The following PID1 variants were observed in gnomAD, a reference collection of about 807,000 sequenced individuals.
PID1 encodes the protein PTB-containing, cubilin and LRP1-interacting protein.
PID1 carries 10 observed loss-of-function variants against 19.1 expected under a neutral mutation model. The observed-to-expected ratio is 0.52, with a 90% CI of 0.32 to 0.89. PID1 has a LOEUF of 0.89. PID1 is among the 40% of genes least tolerant of loss of function. The pLI is 0.03. For missense variants in PID1, 248 were observed against 285.3 expected (o/e 0.87, Z 0.94); for synonymous variants, 130 against 116.0 (o/e 1.12, Z -0.78).
intron 2 of PID1, among the ~76,000 whole-genome samples, chr2:229,096,449 G>C (rs564155530): frequency 5.1e-4 from 77 of 152,200 alleles, no homozygotes; most frequent in African/African-American, 1.8e-3. Flanking sequence ...CAATTTTCTT[G>C]TAACATATTA....
intron 2 of PID1, among the ~76,000 whole-genome samples, chr2:229,122,473 G>A (rs1378969313): frequency 6.6e-6 from 1 of 152,006 alleles, no homozygotes. Context: ...AAACCCTGGG[G>A]TTTTACAGCT....
chr2:229,092,275 C>T (rs188645766), intron 2 of PID1, among the ~76,000 whole-genome samples: 5 of 152,224 alleles, frequency 3.3e-5, no homozygotes, highest in Non-Finnish European at 5.9e-5. Flanking sequence ...GGAAAGACAT[C>T]GCAGCATGAC....
intron 2 of PID1, among the ~76,000 whole-genome samples, chr2:229,151,947 A>G (rs945903272): frequency 6.6e-6 from 1 of 152,154 alleles, no homozygotes; most frequent in Non-Finnish European, 1.5e-5. Context: ...ATGGCCCTGC[A>G]AGTCTCAATG....
chr2:229,142,752 T>C (rs1690041963), intron 2 of PID1, among the ~76,000 whole-genome samples: 1 of 152,216 alleles, frequency 6.6e-6, no homozygotes, highest in African/African-American at 2.4e-5. Flanking sequence ...TTGGTGGGAC[T>C]GTAAACTAGT....
intron 2 of PID1, among the ~76,000 whole-genome samples, chr2:229,111,062 C>T (rs542220261): frequency 3.9e-4 from 59 of 152,296 alleles, no homozygotes; most frequent in African/African-American, 1.4e-3. Context: ...TCCCCTTTCA[C>T]TTGATTCTCA....
chr2:229,156,942 G>A (rs1464536180), intron 1 of PID1, among the ~76,000 whole-genome samples: 4 of 152,258 alleles, frequency 2.6e-5, no homozygotes, highest in Middle Eastern at 3.4e-3. Context: ...CCCTGATCAC[G>A]CTGCTCCTGT....
At chr2:229,265,212 C>T (rs1296256313) in intron 1 of PID1, among the ~76,000 whole-genome samples, 2 of 152,090 alleles carry the variant, frequency 1.3e-5, no homozygotes, top group African/African-American at 4.8e-5. Context: ...CTGGAGCCTC[C>T]CTTATCAAAG....
At chr2:229,150,989 A>G (rs1363650560) in intron 2 of PID1, among the ~76,000 whole-genome samples, 2 of 152,148 alleles carry the variant, frequency 1.3e-5, no homozygotes, top group Non-Finnish European at 2.9e-5. Flanking sequence ...CCAATTAAAC[A>G]AGGTAAATCC....
chr2:229,123,211 TA>T (rs1695557720), intron 2 of PID1, among the ~76,000 whole-genome samples: 1 of 152,106 alleles, frequency 6.6e-6, no homozygotes, highest in Non-Finnish European at 1.5e-5. Context: ...AGGCAACCAC[TA>T]ATCTACCTGT....
At chr2:229,083,890 G>A (rs1294009073) in intron 2 of PID1, among the ~76,000 whole-genome samples, 1 of 152,184 alleles carries the variant, frequency 6.6e-6, no homozygotes, top group Non-Finnish European at 1.5e-5. Context: ...AGATGTAAAG[G>A]TTGACTGAAA....
At chr2:229,042,218 T>C (rs1693785878) in intron 2 of PID1, among the ~76,000 whole-genome samples, 1 of 152,028 alleles carries the variant, frequency 6.6e-6, no homozygotes, top group African/African-American at 2.4e-5. Context: ...ATATAAATGA[T>C]AAAGTAAATA....
intron 2 of PID1, among the ~76,000 whole-genome samples, chr2:229,089,078 AC>A (rs1273405219): frequency 5.3e-5 from 8 of 152,114 alleles, no homozygotes; most frequent in Admixed American, 2.0e-4. Context: ...TTACTTTTAT[AC>A]TCTGAGACAT....
rs377085649 is a variant in PID1, at chr2:229,179,329, T to A, written c.31-23365A>T. Reference sequence around the variant, plus strand: ...ACCCAGCCTACAGAAAACAGAGCCCTTCCATGTATATTCCCTTCTAAAGAT... The same window carrying A: ...ACCCAGCCTACAGAAAACAGAGCCCATCCATGTATATTCCCTTCTAAAGAT... On this transcript the variant is annotated intron_variant, in intron 1 of 2. Transcript: ENST00000392055. Among the ~76,000 whole-genome samples, 36 of 152,250 alleles carry A rather than the reference T, an allele frequency of 2.4e-4. No homozygotes were observed. In the South Asian group the frequency reaches 5.6e-3, roughly 24 times the overall value.
At chr2:229,187,683 C>T (rs1393186829) in intron 1 of PID1, among the ~76,000 whole-genome samples, 1 of 152,094 alleles carries the variant, frequency 6.6e-6, no homozygotes, top group Admixed American at 6.5e-5. Context: ...TTTATGTTTT[C>T]CTCTCTCCAG....
intron 1 of PID1, among the ~76,000 whole-genome samples, chr2:229,263,117 C>CT (rs1690502310): frequency 1.3e-5 from 2 of 152,280 alleles, no homozygotes; most frequent in East Asian, 1.9e-4. Context: ...CCCTTAGTAG[C>CT]TGTGTTGGTT....
intron 1 of PID1, among the ~76,000 whole-genome samples, chr2:229,241,100 A>G (rs1689854682): frequency 6.6e-6 from 1 of 151,700 alleles, no homozygotes; most frequent in South Asian, 2.1e-4. Context: ...CCATTTGTTC[A>G]CTCCTTATGA....
chr2:229,238,836 C>A (rs1459818052), intron 1 of PID1, among the ~76,000 whole-genome samples: 4 of 152,074 alleles, frequency 2.6e-5, no homozygotes, highest in African/African-American at 9.7e-5. Flanking sequence ...CAAGGCTCCA[C>A]TACTAAACAC....
chr2:229,030,960 A>G (rs9752276), intron 2 of PID1, among the ~76,000 whole-genome samples: 3,689 of 152,116 alleles, frequency 0.024, 65 homozygotes, highest in Non-Finnish European at 0.038. Flanking sequence ...GCTCACACCT[A>G]TAATCCCAGC....
intron 2 of PID1, among the ~76,000 whole-genome samples, chr2:229,058,700 T>A (rs1173481629): frequency 2.0e-5 from 3 of 150,030 alleles, no homozygotes; most frequent in Non-Finnish European, 4.4e-5. Context: ...ACATTCATTA[T>A]GTTAATTAAA....
Sources: gnomAD v4.1 joint callset for allele counts (sites outside exome capture counted in the v4.1 genomes callset) on GRCh38, gnomAD v4.1.1 for gene constraint, MANE v1.5 for transcripts, NCBI Gene and HGNC (gene_info 2026-07-23, HGNC 2026-07-21) for gene names.